DEUP1: variants seen among roughly 807,000 people sequenced by gnomAD.
The protein encoded by DEUP1 is deuterosome assembly protein 1.
DEUP1 carries 82 observed loss-of-function variants against 87.4 expected under a neutral mutation model. That is an observed-to-expected ratio of 0.94 (90% CI 0.78 to 1.13). The LOEUF (loss-of-function observed/expected upper bound fraction) is 1.13, where lower values mean the gene tolerates loss of function less well. DEUP1 is among the 50% of genes most tolerant of loss of function. The pLI is 0.00. For synonymous variants in DEUP1, 214 were observed against 222.7 expected, an observed-to-expected ratio of 0.96 and a Z score of 0.35; for missense variants, 663 against 681.5, an observed-to-expected ratio of 0.97 and a Z score of 0.30.
chr11:93,344,920 T>C (rs1484771369), intron 2 of DEUP1, among the ~76,000 whole-genome samples: 1 of 151,984 alleles, frequency 6.6e-6, no homozygotes, highest in Non-Finnish European at 1.5e-5. Context: ...TAAACTTGTG[T>C]CATGGGGGTT....
At chr11:93,363,332 T>C (rs1945267219) in intron 4 of DEUP1, among the ~76,000 whole-genome samples, 1 of 151,836 alleles carries the variant, frequency 6.6e-6, no homozygotes, top group African/African-American at 2.4e-5. Context: ...ATATATGTGA[T>C]AAAATGGCAT....
At chr11:93,429,169 A>G (rs760491866) in intron 13 of DEUP1, among the ~76,000 whole-genome samples, 13 of 152,154 alleles carry the variant, frequency 8.5e-5, no homozygotes, top group Non-Finnish European at 1.6e-4. Context: ...AGAGACTAGA[A>G]GTAAAGTTAA....
chr11:93,357,343 A>T (rs568408094), intron 4 of DEUP1: 3 of 193,952 alleles, frequency 1.5e-5, no homozygotes, highest in Non-Finnish European at 3.1e-5. Flanking sequence ...TGTGAGCAAC[A>T]ACAAAAAACA....
intron 13 of DEUP1, among the ~76,000 whole-genome samples, chr11:93,433,380 G>A (rs1263294038): frequency 1.3e-5 from 2 of 152,184 alleles, no homozygotes; most frequent in Non-Finnish European, 1.5e-5. Flanking sequence ...AGAGCTGGGT[G>A]TGGTGGTGTG....
At chr11:93,333,860 G>A (rs1199528954) in intron 2 of DEUP1, among the ~76,000 whole-genome samples, 1 of 152,104 alleles carries the variant, frequency 6.6e-6, no homozygotes, top group African/African-American at 2.4e-5. Context: ...TAGGATTCTG[G>A]GTTAAGTATG....
At chr11:93,341,537 G>C (rs1403336343) in intron 2 of DEUP1, among the ~76,000 whole-genome samples, 1 of 152,086 alleles carries the variant, frequency 6.6e-6, no homozygotes, top group African/African-American at 2.4e-5. Flanking sequence ...TAGACAGTGA[G>C]GTTACTATTA....
intron 13 of DEUP1, among the ~76,000 whole-genome samples, chr11:93,416,085 T>TA (rs1181254204): frequency 6.6e-6 from 1 of 152,146 alleles, no homozygotes; most frequent in African/African-American, 2.4e-5. Flanking sequence ...TATTTTCCTG[T>TA]AGGAGCCAAT....
At position 93,370,175 on chromosome 11, in the gene DEUP1, A is replaced by T. The variant is rs754570032; in HGVS notation, c.535A>T (p.Asn179Tyr). The T allele has an allele frequency of 1.3e-6, 2 of 1,538,876 alleles. No individual in the cohort carries two copies. The highest frequency in any genetic ancestry group is 4.5e-5 in the East Asian group (2 of 44,242). ...AQQKLLSEKC[N>Y]QFQKQAQSYQ... Reference sequence around the variant, plus strand: ...ACAAAAATTATTATCTGAGAAGTGTAATCAGTTTCAGGTAAGTTATCTAAT... The same window carrying T: ...ACAAAAATTATTATCTGAGAAGTGTTATCAGTTTCAGGTAAGTTATCTAAT... Residue 179 changes from asparagine to tyrosine, a missense_variant, in exon 6 of 14, where the codon AAT becomes TAT. Physicochemically the swap from Asn to Tyr is moderately radical, Grantham distance 143. Transcript: ENST00000298050.
intron 2 of DEUP1, among the ~76,000 whole-genome samples, chr11:93,341,397 C>G (rs1220744462): frequency 6.6e-6 from 1 of 152,164 alleles, no homozygotes; most frequent in Non-Finnish European, 1.5e-5. Flanking sequence ...TACCTCCTGC[C>G]ATGATTCTGA....
At chr11:93,390,910 C>A (rs1345576954) in intron 9 of DEUP1, among the ~76,000 whole-genome samples, 1 of 151,792 alleles carries the variant, frequency 6.6e-6, no homozygotes, top group African/African-American at 2.4e-5. Flanking sequence ...GGTGAAACCC[C>A]GTCTCTACTA....
At chr11:93,379,260 A>T (rs114537943) in intron 7 of DEUP1, among the ~76,000 whole-genome samples, 46 of 152,070 alleles carry the variant, frequency 3.0e-4, no homozygotes, top group African/African-American at 1.1e-3. Context: ...TCTTTGGGGA[A>T]AAAAAGATCC....
chr11:93,371,052 T>A lies in DEUP1; in HGVS notation c.561T>A (p.Ser187Arg). The change falls in exon 7 of 14, where the codon AGT becomes AGA. Residue 187 changes from serine (S) to arginine (R), a missense_variant. Physicochemically the swap from Ser to Arg is moderately radical, Grantham distance 110. Transcript: ENST00000298050. Reference sequence around the variant, plus strand: ...ATATTTTTCAGAAACAGGCACAAAGTTACCAAACTCAACTAAATGGTAAAA... The same window carrying A: ...ATATTTTTCAGAAACAGGCACAAAGATACCAAACTCAACTAAATGGTAAAA... The part of the protein sequence containing the change: ...KCNQFQKQAQ[S>R]YQTQLNGKKQ... 1 of 1,610,634 alleles carries A rather than the reference T, an allele frequency of 6.2e-7. No homozygotes were observed. The highest frequency in any genetic ancestry group is 8.5e-7 in the Non-Finnish European group (1 of 1,178,230).
intron 7 of DEUP1, among the ~76,000 whole-genome samples, chr11:93,376,054 ATTC>A (rs1376106980): frequency 6.6e-6 from 1 of 152,132 alleles, no homozygotes; most frequent in Admixed American, 6.5e-5. Context: ...GGTTCAAGCA[ATTC>A]TTCTACCTCA....
chr11:93,356,068 T>A (rs575076051), intron 3 of DEUP1, among the ~76,000 whole-genome samples: 1 of 149,042 alleles, frequency 6.7e-6, no homozygotes, highest in East Asian at 2.1e-4. Flanking sequence ...AAGCTGGTGG[T>A]CATAGAAGAA....
At chr11:93,386,657 C>A (rs1362312916) in intron 8 of DEUP1, among the ~76,000 whole-genome samples, 2 of 152,146 alleles carry the variant, frequency 1.3e-5, no homozygotes, top group African/African-American at 4.8e-5. Context: ...CTTAAGATCC[C>A]TAAAATGACC....
intron 7 of DEUP1, among the ~76,000 whole-genome samples, chr11:93,383,178 G>A (rs12282377): frequency 0.24 from 36,871 of 152,096 alleles, 4,797 homozygotes; most frequent in South Asian, 0.37. Flanking sequence ...TTTCATAACA[G>A]CATTATTCAT....
chr11:93,348,754 T>C (rs1348160671), intron 2 of DEUP1, among the ~76,000 whole-genome samples: 3 of 152,220 alleles, frequency 2.0e-5, no homozygotes, highest in Non-Finnish European at 4.4e-5. Context: ...AATCCCAGTT[T>C]GTCCAGAACA....
At chr11:93,428,245 C>G (rs1255056241) in intron 13 of DEUP1, among the ~76,000 whole-genome samples, 1 of 152,044 alleles carries the variant, frequency 6.6e-6, no homozygotes, top group East Asian at 1.9e-4. Flanking sequence ...CACATGTACA[C>G]CATGGAATAC....
At chr11:93,432,213 A>G (rs1948125927) in intron 13 of DEUP1, among the ~76,000 whole-genome samples, 1 of 152,220 alleles carries the variant, frequency 6.6e-6, no homozygotes, top group Non-Finnish European at 1.5e-5. Context: ...GATGGGGCTC[A>G]AGGAGGGTCC....
Sources: gnomAD v4.1 joint callset for allele counts (sites outside exome capture counted in the v4.1 genomes callset) on GRCh38, gnomAD v4.1.1 for gene constraint, MANE v1.5 for transcripts, NCBI Gene and HGNC (gene_info 2026-07-23, HGNC 2026-07-21) for gene names.